Variants in SND1 observed in about 807,000 individuals in gnomAD.
The protein encoded by SND1 is staphylococcal nuclease domain-containing protein 1.
SND1 carries 38 observed loss-of-function variants against 121.7 expected under a neutral mutation model. That is an observed-to-expected ratio of 0.31 (90% CI 0.24 to 0.41). The LOEUF (loss-of-function observed/expected upper bound fraction) is 0.41, where lower values mean the gene tolerates loss of function less well. Ranked by LOEUF, SND1 falls within the 10% of genes least tolerant of loss-of-function variation. The probability of loss-of-function intolerance (pLI) is 1.00; values close to 1 mark genes in which losing one functional copy is unlikely to be tolerated. For synonymous variants in SND1, 401 were observed against 447.4 expected (o/e 0.90, Z 1.31); for missense variants, 868 against 1,184.6 (o/e 0.73, Z 3.92).
At chr7:127,674,364 A>G (rs1282162991) in intron 1 of SND1, among the ~76,000 whole-genome samples, 1 of 152,234 alleles carries the variant, frequency 6.6e-6, no homozygotes, top group Non-Finnish European at 1.5e-5. Context: ...TTAAAAAACA[A>G]GGGTTTACTT....
chr7:127,719,763 T>G (rs1192310685), intron 9 of SND1, among the ~76,000 whole-genome samples: 1 of 152,232 alleles, frequency 6.6e-6, no homozygotes, highest in Non-Finnish European at 1.5e-5. Flanking sequence ...TTCTCTACAC[T>G]GCTTTCATTG....
chr7:127,750,242 A>G (rs1450466088), intron 10 of SND1, among the ~76,000 whole-genome samples: 1 of 152,232 alleles, frequency 6.6e-6, no homozygotes, highest in Non-Finnish European at 1.5e-5. Context: ...CAGATAGGTC[A>G]TAGCGTAAGT....
rs62481387 is a variant in SND1 at position 127,779,121 on chromosome 7, C to T, written c.1153-28363C>T. On this transcript the variant is annotated intron_variant, in intron 10 of 23. Transcript: ENST00000354725. ...TTTTCTATGCAAAAACCCTTAGTTCCGCATTGCACTATGGGGGGGATTGTT... is the reference window on the plus strand; with the variant it reads ...TTTTCTATGCAAAAACCCTTAGTTCTGCATTGCACTATGGGGGGGATTGTT... 3.1e-3 allele frequency among the ~76,000 whole-genome samples: 466 copies of T among 152,272 alleles called. 3 individuals carry two copies. Among genetic ancestry groups the T allele is most frequent in the Middle Eastern group, 0.01 (3 of 294 alleles).
At chr7:127,843,219 A>T (rs1248278566) in intron 11 of SND1, among the ~76,000 whole-genome samples, 1 of 152,090 alleles carries the variant, frequency 6.6e-6, no homozygotes, top group Admixed American at 6.5e-5. Flanking sequence ...TATTTATTAC[A>T]ATTGTTGAGC....
chr7:127,976,656 C>G, intron 15 of SND1, among the ~76,000 whole-genome samples: 1 of 152,204 alleles, frequency 6.6e-6, no homozygotes. Flanking sequence ...CCTCAGGTCT[C>G]CCAACCAGGG....
intron 10 of SND1, among the ~76,000 whole-genome samples, chr7:127,723,654 C>T (rs982877728): frequency 6.6e-6 from 1 of 152,248 alleles, no homozygotes; most frequent in Admixed American, 6.5e-5. Context: ...GGGTGATCTT[C>T]CCAGGTCAGC....
At chr7:127,946,606 A>G (rs1801335872) in intron 15 of SND1, among the ~76,000 whole-genome samples, 1 of 152,210 alleles carries the variant, frequency 6.6e-6, no homozygotes, top group African/African-American at 2.4e-5. Context: ...TGAAACTGGC[A>G]TTGAAATGTT....
chr7:127,714,082 G>T (rs560550918), intron 9 of SND1, among the ~76,000 whole-genome samples: 2 of 152,058 alleles, frequency 1.3e-5, no homozygotes, highest in Non-Finnish European at 2.9e-5. Flanking sequence ...ACATTGTTGT[G>T]GGGGGTGGGG....
At chr7:127,688,902 T>C (rs964080797) in intron 2 of SND1, among the ~76,000 whole-genome samples, 2 of 152,138 alleles carry the variant, frequency 1.3e-5, no homozygotes, top group African/African-American at 4.8e-5. Context: ...AAGTAAAGCA[T>C]TTAGTTTTTA....
chr7:127,761,650 G>A (rs768689539), intron 10 of SND1, among the ~76,000 whole-genome samples: 5 of 152,172 alleles, frequency 3.3e-5, no homozygotes, highest in Non-Finnish European at 7.3e-5. Flanking sequence ...TTCGAAGCTA[G>A]CATTCATCTG....
chr7:127,806,850 T>G (rs1284389798), intron 10 of SND1, among the ~76,000 whole-genome samples: 1 of 152,110 alleles, frequency 6.6e-6, no homozygotes, highest in African/African-American at 2.4e-5. Context: ...TCCCAGCTAC[T>G]GTGGAGGCTG....
chr7:128,072,562 C>G (rs1287650229), intron 16 of SND1, among the ~76,000 whole-genome samples: 1 of 152,230 alleles, frequency 6.6e-6, no homozygotes, highest in African/African-American at 2.4e-5. Flanking sequence ...CCTGCTGCTT[C>G]TTGAGCTTAG....
chr7:127,809,054 C>G (rs1312353269), intron 11 of SND1, among the ~76,000 whole-genome samples: 1 of 152,186 alleles, frequency 6.6e-6, no homozygotes, highest in African/African-American at 2.4e-5. Flanking sequence ...ATCCCTGGGA[C>G]CATAGATCAT....
At chr7:127,997,550 A>ATGTC (rs1172637637) in intron 16 of SND1, 1 of 371,240 alleles carries the variant, frequency 2.7e-6, no homozygotes, top group African/African-American at 2.1e-5. Flanking sequence ...TTGCTCATGT[A>ATGTC]TGTCTATATT....
intron 9 of SND1, among the ~76,000 whole-genome samples, chr7:127,716,377 C>G (rs2116375523): frequency 6.6e-6 from 1 of 152,230 alleles, no homozygotes; most frequent in African/African-American, 2.4e-5. Context: ...TCTCTAATTT[C>G]TTTCAACAGT....
At chr7:127,834,470 T>C (rs1450027844) in intron 11 of SND1, among the ~76,000 whole-genome samples, 3 of 152,180 alleles carry the variant, frequency 2.0e-5, no homozygotes, top group African/African-American at 7.2e-5. Context: ...GACCTGAATT[T>C]GAAGGGAGAC....
intron 14 of SND1, among the ~76,000 whole-genome samples, chr7:127,922,175 CTTTTTTTTTTTTTT>C (rs1158535023): frequency 2.4e-4 from 14 of 57,176 alleles, no homozygotes; most frequent in Admixed American, 1.2e-3. Context: ...TTTTTCTTTC[CTTTTTTTTTTTTTT>C]TTTTTTTTTT....
intron 12 of SND1, among the ~76,000 whole-genome samples, chr7:127,867,915 T>A (rs1799509766): frequency 6.6e-6 from 1 of 151,906 alleles, no homozygotes; most frequent in Non-Finnish European, 1.5e-5. Flanking sequence ...AAAAAAAAAT[T>A]AAATGCATTA....
At chr7:127,802,853 A>G (rs1002944849) in intron 10 of SND1, among the ~76,000 whole-genome samples, 1 of 152,178 alleles carries the variant, frequency 6.6e-6, no homozygotes, top group African/African-American at 2.4e-5. Context: ...TCAGATAAAA[A>G]AGGAGTCATT....
Sources: allele counts gnomAD v4.1 joint callset (sites outside exome capture counted in the v4.1 genomes callset), GRCh38; gene constraint gnomAD v4.1.1; transcripts MANE v1.5; gene names NCBI Gene and HGNC (gene_info 2026-07-23, HGNC 2026-07-21).